Variants in FHIP2A observed in about 807,000 individuals in gnomAD.
FHIP2A encodes FHF complex subunit HOOK interacting protein 2A.
Under a neutral mutation model 93.5 loss-of-function variants are expected in FHIP2A, and 46 were observed. The ratio of observed to expected loss-of-function variants is 0.49; its 90% CI spans 0.39 to 0.63. FHIP2A has a LOEUF of 0.63. Among genes scored for constraint, FHIP2A ranks in the 20% least tolerant of loss-of-function variants. The probability of loss-of-function intolerance (pLI) is 0.00; values close to 1 mark genes in which losing one functional copy is unlikely to be tolerated. For synonymous variants in FHIP2A, 332 were observed against 326.5 expected (o/e 1.02, Z -0.18); for missense variants, 769 against 909.7 (o/e 0.85, Z 1.99).
intron 1 of FHIP2A, among the ~76,000 whole-genome samples, chr10:114,823,337 C>T (rs180714597): frequency 3.9e-5 from 6 of 152,192 alleles, no homozygotes; most frequent in South Asian, 2.1e-4. Context: ...CAGTATTACA[C>T]GGAGGGAAAT....
chr10:114,838,392 G>A (rs1471818449), intron 5 of FHIP2A, among the ~76,000 whole-genome samples: 1 of 152,018 alleles, frequency 6.6e-6, no homozygotes, highest in Admixed American at 6.6e-5. Context: ...CGCATCGTGT[G>A]TTGTTCGTGA....
At chr10:114,848,849 A>G in intron 13 of FHIP2A, 112 bp downstream of exon 13, 2 of 709,688 alleles carry the variant, frequency 2.8e-6, no homozygotes, top group Non-Finnish European at 4.8e-6. Flanking sequence ...TTCTTATTAA[A>G]AATGAGACCT....
chr10:114,824,250 TAGAAAA>T (rs1404193528), intron 1 of FHIP2A, among the ~76,000 whole-genome samples: 1 of 152,186 alleles, frequency 6.6e-6, no homozygotes, highest in Non-Finnish European at 1.5e-5. Context: ...AATAAGTACT[TAGAAAA>T]AGAAAGACGG....
intron 16 of FHIP2A, among the ~76,000 whole-genome samples, chr10:114,894,492 C>T (rs181285852): frequency 1.1e-3 from 171 of 152,038 alleles, no homozygotes; most frequent in Admixed American, 1.8e-3. Flanking sequence ...CACCTGAGTC[C>T]GGGGACGTCA....
At chr10:114,830,057 C>T (rs978913446) in intron 1 of FHIP2A, among the ~76,000 whole-genome samples, 1 of 152,106 alleles carries the variant, frequency 6.6e-6, no homozygotes, top group Non-Finnish European at 1.5e-5. Context: ...TTGTATGTCA[C>T]TGAATGTAGG....
At chr10:114,849,403 T>C (rs1410680737) in intron 13 of FHIP2A, among the ~76,000 whole-genome samples, 2 of 152,142 alleles carry the variant, frequency 1.3e-5, no homozygotes, top group Admixed American at 6.6e-5. Context: ...ATGCAGACAG[T>C]GATTCACAAG....
intron 1 of FHIP2A, among the ~76,000 whole-genome samples, chr10:114,829,387 G>A (rs916101763): frequency 1.3e-5 from 2 of 152,206 alleles, no homozygotes; most frequent in African/African-American, 4.8e-5. Flanking sequence ...CCCCTTTTTA[G>A]ACTATATAAG....
chr10:114,843,602 C>A, intron 6 of FHIP2A, 139 bp from the exon 7 acceptor site: 1 of 688,072 alleles, frequency 1.5e-6, no homozygotes, highest in Non-Finnish European at 2.2e-6. Context: ...CCACAGTTGG[C>A]CAATAATATG....
rs1310488836 is a variant in FHIP2A, at chr10:114,833,362, A to G, written c.254A>G (p.His85Arg). The G allele has an allele frequency of 4.3e-6, 7 of 1,614,090 alleles. No homozygotes were observed. The highest frequency in any genetic ancestry group is 5.1e-6 in the Non-Finnish European group (6 of 1,179,976). ...CCATGTATGGAATATTTGCTTCATC[A>G]CAAGATCTTGGAAACATTATATACC... ...TGPCMEYLLH[H>R]KILETLYTLG... Residue 85 changes from histidine (H) to arginine (R), a missense_variant, in exon 3 of 17, where the codon CAC (histidine) becomes CGC (arginine). By Grantham distance (29) the His-to-Arg change is conservative. Coordinates refer to ENST00000369248, the MANE Select transcript of FHIP2A (RefSeq NM_020940.4).
Position 114,860,868 on chromosome 10 carries a change from T to C in FHIP2A, c.2067T>C (p.Ser689=). 1.2e-6 allele frequency: 2 copies of C among 1,613,746 alleles called. No homozygotes were observed. Among genetic ancestry groups the C allele is most frequent in the Non-Finnish European group, 1.7e-6 (2 of 1,179,698 alleles). The change falls in exon 15 of 17, where the codon TCT becomes TCC. Residue 689 remains serine, a synonymous_variant. Transcript: ENST00000369248. ...TGAACCTCGCTCCTGGCTGTAGATC[T>C]CTCTTCTCTGTAATTGTCAGGGTGA... ...PYVNLAPGCR[S]LFSVIVRVVG...
rs2083678671 is a variant in FHIP2A at position 114,843,080 on chromosome 10, T to C, written c.670T>C (p.Leu224=). 6.2e-7 allele frequency: 1 copy of C among 1,614,096 alleles called. No homozygotes were observed. Among genetic ancestry groups the C allele is most frequent in the Non-Finnish European group, 8.5e-7 (1 of 1,180,006 alleles). ...TGCTACTGGAATGGAGCAAACAGAA[T>C]TGGAAGATGAGCCTCCTCATCAGAT... ...SGATGMEQTE[L]EDEPPHQMDH... is the part of the protein sequence containing the mutation. The change falls in exon 6 of 17, where the codon TTG becomes CTG. Residue 224 remains leucine, a synonymous_variant. Transcript: ENST00000369248.
downstream of FHIP2A, among the ~76,000 whole-genome samples, chr10:114,868,619 A>G (rs1441094733): frequency 6.6e-6 from 1 of 152,148 alleles, no homozygotes; most frequent in East Asian, 1.9e-4. Flanking sequence ...TGATTGAAGA[A>G]CCACAACCTT....
chr10:114,879,090 A>G (rs1248824034), intron 16 of FHIP2A, among the ~76,000 whole-genome samples: 1 of 152,216 alleles, frequency 6.6e-6, no homozygotes, highest in Non-Finnish European at 1.5e-5. Flanking sequence ...CAAGCTACCA[A>G]TATTCCATAT....
At chr10:114,855,142 T>A in intron 13 of FHIP2A, 55 bp from the exon 14 acceptor site, 1 of 1,561,508 alleles carries the variant, frequency 6.4e-7, no homozygotes, top group South Asian at 1.2e-5. Flanking sequence ...ATCATTTCTA[T>A]TTCATCTTAA....
In FHIP2A at chr10:114,864,639, A is replaced by C; in HGVS notation, c.*3099A>C. On this transcript the variant is annotated 3_prime_UTR_variant, in exon 17 of 17. Transcript: ENST00000369248. The stretch of plus-strand genomic sequence containing the variant: ...CTCTCTTCAAAGGAAGTTGTGATCA[A>C]GTTCAACTTTTTGTGCTAACAATGC... 1 of 985,780 alleles carries C rather than the reference A, an allele frequency of 1.0e-6. No homozygotes were observed. The allele number at this position is 985,780 out of a possible 1,614,324, so 61.1% of individuals were successfully genotyped here.
At chr10:114,883,840 A>G (rs1487715644) in intron 16 of FHIP2A, among the ~76,000 whole-genome samples, 1 of 152,180 alleles carries the variant, frequency 6.6e-6, no homozygotes, top group African/African-American at 2.4e-5. Flanking sequence ...TTGGCCTCCC[A>G]AAGTGCGGAG....
At position 114,846,619 on chromosome 10, in the gene FHIP2A, C is replaced by G; in HGVS notation, c.1459C>G (p.Leu487Val). The change falls in exon 11 of 17, where the codon CTT becomes GTT. Residue 487 changes from leucine (L) to valine (V), a missense_variant. Coordinates refer to ENST00000369248, the MANE Select transcript of FHIP2A (RefSeq NM_020940.4). The part of the protein sequence containing the change: ...HLLQKPNEHI[L>V]YNLVLRNLEE... ...TTTACAAAAACCCAATGAGCACATTCTTTACAACTTGGTCTTGAGAAATCT... is the reference window on the plus strand; with the variant it reads ...TTTACAAAAACCCAATGAGCACATTGTTTACAACTTGGTCTTGAGAAATCT... 6 of 1,612,340 alleles carry G rather than the reference C, an allele frequency of 3.7e-6. No individual in the cohort carries two copies. Among genetic ancestry groups the G allele is most frequent in the Non-Finnish European group, 5.1e-6 (6 of 1,179,404 alleles).
chr10:114,891,806 C>A (rs965369138), intron 16 of FHIP2A, among the ~76,000 whole-genome samples: 2 of 151,748 alleles, frequency 1.3e-5, no homozygotes, highest in Non-Finnish European at 2.9e-5. Flanking sequence ...AGTAGAGATG[C>A]GGTTTCTCCA....
At chr10:114,843,603 C>T (rs2083682594) in intron 6 of FHIP2A, 138 bp from the exon 7 acceptor site, 2 of 696,800 alleles carry the variant, frequency 2.9e-6, no homozygotes, top group Non-Finnish European at 4.3e-6. Flanking sequence ...CACAGTTGGC[C>T]AATAATATGC....
Sources: allele counts gnomAD v4.1 joint callset (sites outside exome capture counted in the v4.1 genomes callset), GRCh38; gene constraint gnomAD v4.1.1; transcripts MANE v1.5; gene names NCBI Gene and HGNC (gene_info 2026-07-23, HGNC 2026-07-21).